ZFYVE28: variants seen among roughly 807,000 people sequenced by gnomAD.
ZFYVE28 encodes zinc finger FYVE-type containing 28, also known as lateral signaling target protein 2 homolog.
Under a neutral mutation model 82.1 loss-of-function variants are expected in ZFYVE28, and 40 were observed. The ratio of observed to expected loss-of-function variants is 0.49; its 90% confidence interval spans 0.38 to 0.63. The LOEUF (loss-of-function observed/expected upper bound fraction) is 0.63. Among genes scored for constraint, ZFYVE28 ranks in the 30% least tolerant of loss-of-function variants. The pLI, the probability that ZFYVE28 is intolerant of heterozygous loss-of-function variation, is 0.00. For synonymous variants in ZFYVE28, 612 were observed against 546.1 expected (o/e 1.12, Z -1.68); for missense variants, 1,321 against 1,242.1 (o/e 1.06, Z -0.96).
chr4:2,309,352 T>G (rs1333848810), intron 7 of ZFYVE28, among the ~76,000 whole-genome samples: 1 of 152,334 alleles, frequency 6.6e-6, no homozygotes, highest in South Asian at 2.1e-4. Flanking sequence ...ACGAACCTCC[T>G]TGCTTTATAA....
At position 2,320,025 on chromosome 4, in the gene ZFYVE28, C is replaced by T. The variant is rs1427720114; in HGVS notation, c.803+145G>A. ...TGTGACCCCCATGGGTCGTTTGTGA[C>T]CCCTCCCTAGGGAATATTAACCAGC... On this transcript the variant is annotated intron_variant, in intron 7 of 12. Transcript: ENST00000290974. The surrounding 1 kb of genome is among the most constrained non-coding windows in gnomAD (Gnocchi z 5.1). 3 of 793,852 alleles carry T rather than the reference C, an allele frequency of 3.8e-6. No homozygotes were observed. Among genetic ancestry groups the T allele is most frequent in the South Asian group, 3.6e-5 (2 of 56,140 alleles). The allele number at this position is 793,852 out of a possible 1,614,324, so 49.2% of individuals were successfully genotyped here. A position where few individuals can be genotyped will look rare whatever the true frequency, so the allele number is the denominator to read the frequency against.
intron 1 of ZFYVE28, among the ~76,000 whole-genome samples, chr4:2,379,079 G>A (rs1297215869): frequency 2.0e-5 from 3 of 152,138 alleles, no homozygotes; most frequent in Admixed American, 1.3e-4. Context: ...ATGACAGCAG[G>A]GGGTAGACGG....
intron 1 of ZFYVE28, among the ~76,000 whole-genome samples, chr4:2,400,167 G>T (rs1441727155): frequency 6.6e-6 from 1 of 152,236 alleles, no homozygotes; most frequent in Non-Finnish European, 1.5e-5. Flanking sequence ...AGGTCAGGAG[G>T]AACACATTTT....
chr4:2,346,606 G>A (rs1723637036), intron 2 of ZFYVE28, among the ~76,000 whole-genome samples: 1 of 152,150 alleles, frequency 6.6e-6, no homozygotes, highest in South Asian at 2.1e-4. Context: ...ATAGCACAAG[G>A]TCCAGTAGGA....
chr4:2,330,283 A>G (rs1359421375), intron 6 of ZFYVE28: 1 of 988,966 alleles, frequency 1.0e-6, no homozygotes, highest in Non-Finnish European at 1.2e-6. Flanking sequence ...TCTCAGTAAC[A>G]TGGAAAAATA....
At chr4:2,411,499 A>G (rs764363209) in intron 1 of ZFYVE28, among the ~76,000 whole-genome samples, 1 of 152,208 alleles carries the variant, frequency 6.6e-6, no homozygotes, top group Non-Finnish European at 1.5e-5. Flanking sequence ...AATCCAACTG[A>G]AAAAAGACAA....
chr4:2,414,095 C>G (rs1008490896), intron 1 of ZFYVE28, among the ~76,000 whole-genome samples: 1 of 152,262 alleles, frequency 6.6e-6, no homozygotes, highest in Admixed American at 6.5e-5. Context: ...CAGGGTGCCG[C>G]CCCTCTCAAC....
intron 1 of ZFYVE28, among the ~76,000 whole-genome samples, chr4:2,405,038 C>T (rs1731710747): frequency 6.6e-6 from 1 of 152,114 alleles, no homozygotes; most frequent in African/African-American, 2.4e-5. Flanking sequence ...AGCCACACTT[C>T]AATCTCTTAA....
Position 2,304,753 on chromosome 4 carries a change from A to G in ZFYVE28, c.1587T>C (p.Ser529=), listed in dbSNP as rs1716265402. The G allele has an allele frequency of 6.2e-7, 1 of 1,612,446 alleles. No homozygotes were observed. The highest frequency in any genetic ancestry group is 8.5e-7 in the Non-Finnish European group (1 of 1,179,932). The change falls in exon 8 of 13, where the codon TCT becomes TCC. Residue 529 remains serine (S), a synonymous_variant. Coordinates refer to ENST00000290974, the MANE Select transcript of ZFYVE28 (RefSeq NM_020972.3). ...FNPKSPTSLD[S]AVATQEAASE... ...AGGCGGCCTCCTGGGTGGCGACCGC[A>G]GAGTCCAGGGAAGTGGGCGATTTGG...
chr4:2,281,122 G>A (rs144833507), intron 8 of ZFYVE28, among the ~76,000 whole-genome samples: 24 of 152,350 alleles, frequency 1.6e-4, no homozygotes, highest in African/African-American at 5.5e-4. Context: ...CTCTGGTGGC[G>A]TGGGAGGGGG....
Position 2,270,164 on chromosome 4 carries a change from G to A in ZFYVE28, c.*561C>T, listed in dbSNP as rs1735790074. On this transcript the variant is annotated 3_prime_UTR_variant, in exon 13 of 13. Transcript: ENST00000290974. The stretch of plus-strand genomic sequence containing the variant: ...CACTCCAAGAAGAAATGAGATGCAT[G>A]TTGTTTAGCCAAGTCCTGAGGAAGG... The A allele has an allele frequency of 6.4e-6, 1 of 156,102 alleles. No homozygotes were observed. Among genetic ancestry groups the A allele is most frequent in the East Asian group, 1.9e-4 (1 of 5,240 alleles). The allele number at this position is 156,102 out of a possible 1,614,324, so 9.7% of individuals were successfully genotyped here. A position where few individuals can be genotyped will look rare whatever the true frequency, so the allele number is the denominator to read the frequency against.
chr4:2,323,830 G>C (rs993806360), intron 6 of ZFYVE28, among the ~76,000 whole-genome samples: 5 of 151,610 alleles, frequency 3.3e-5, no homozygotes, highest in Non-Finnish European at 1.5e-5. Flanking sequence ...TACTGAGAAT[G>C]ATGGTTTCCA....
chr4:2,290,349 G>A (rs1227485551), intron 8 of ZFYVE28, among the ~76,000 whole-genome samples: 3 of 152,188 alleles, frequency 2.0e-5, no homozygotes, highest in Non-Finnish European at 4.4e-5. Context: ...GCCTCCCAAA[G>A]TGTGATCCTT....
rs1315361831 is a variant in ZFYVE28, at chr4:2,416,141, C to T, written c.39+2144G>A. Among the ~76,000 whole-genome samples the T allele has an allele frequency of 6.6e-6, 1 of 152,256 alleles. No individual in the cohort carries two copies. The highest frequency in any genetic ancestry group is 2.4e-5 in the African/African-American group (1 of 41,466). On this transcript the variant is annotated intron_variant, in intron 1 of 12. Transcript: ENST00000290974. The surrounding 1 kb of genome is among the most constrained non-coding windows in gnomAD (Gnocchi z 4.6). ...GGTGCCCGCCGCCTGCCTGGAAAGG[C>T]AGCTGCCTGCTGAAGAGGAAAAGTT...
rs1456925832 is a variant in ZFYVE28, at chr4:2,281,355, C to T, written c.2052-7139G>A. Among the ~76,000 whole-genome samples, 5 of 152,072 alleles carry T rather than the reference C, an allele frequency of 3.3e-5. No homozygotes were observed. The South Asian group carries it at 1.0e-3, about 32-fold the overall frequency. On this transcript the variant is annotated intron_variant, in intron 8 of 12. Transcript: ENST00000290974. ...GTGGATGGGTGTCTTCCTTTGCTTC[C>T]TGCTGCTATAACAGAGTACCACAGT... is the stretch of plus-strand genomic sequence containing the variant.
In ZFYVE28 at chr4:2,341,889, G is replaced by A. The variant is rs555346295; in HGVS notation, c.181-274C>T. Among the ~76,000 whole-genome samples, 9 of 152,266 alleles carry A rather than the reference G, an allele frequency of 5.9e-5. No homozygotes were observed. The highest frequency in any genetic ancestry group is 1.9e-4 in the East Asian group (1 of 5,180). ...ACAAAAATTAGCCGGGCGTGGTAGC[G>A]CACACCTGTAATCCCAGCTATTAGG... On this transcript the variant is annotated intron_variant, in intron 2 of 12. Coordinates refer to ENST00000290974, the MANE Select transcript of ZFYVE28 (RefSeq NM_020972.3). The surrounding 1 kb of genome is among the most constrained non-coding windows in gnomAD (Gnocchi z 4.5).
intron 7 of ZFYVE28, among the ~76,000 whole-genome samples, chr4:2,319,544 G>C (rs1335955235): frequency 6.6e-6 from 1 of 152,194 alleles, no homozygotes; most frequent in Non-Finnish European, 1.5e-5. Flanking sequence ...GAAATACCAA[G>C]CTGTCCCAGG....
At chr4:2,385,224 C>T (rs1729127451) in intron 1 of ZFYVE28, among the ~76,000 whole-genome samples, 1 of 152,188 alleles carries the variant, frequency 6.6e-6, no homozygotes, top group African/African-American at 2.4e-5. Context: ...AGACCTGGGC[C>T]ATGGAGGAGC....
chr4:2,302,708 C>G (rs148805964), intron 8 of ZFYVE28, among the ~76,000 whole-genome samples: 1 of 152,230 alleles, frequency 6.6e-6, no homozygotes, highest in Non-Finnish European at 1.5e-5. Flanking sequence ...CTAGAAACAA[C>G]ACATCCACCA....
Sources: gnomAD v4.1 joint callset for allele counts (sites outside exome capture counted in the v4.1 genomes callset) on GRCh38, gnomAD v4.1.1 for gene constraint, Gnocchi (gnomAD v3.1) non-coding constraint, MANE v1.5 for transcripts, NCBI Gene and HGNC (gene_info 2026-07-23, HGNC 2026-07-21) for gene names.